ZNF827: variants seen among roughly 807,000 people sequenced by gnomAD.
ZNF827 encodes zinc finger protein 827.
ZNF827 carries 13 observed loss-of-function variants against 102.4 expected under a neutral mutation model. That is an observed-to-expected ratio of 0.13 (90% confidence interval 0.08 to 0.20). ZNF827 has a LOEUF of 0.20. Among genes scored for constraint, ZNF827 ranks in the 10% least tolerant of loss-of-function variants. ZNF827 has a pLI of 1.00. For missense variants in ZNF827, 1,103 were observed against 1,344.4 expected (o/e 0.82, Z 2.81); for synonymous variants, 523 against 536.2 (o/e 0.98, Z 0.34).
chr4:145,892,253 G>A lies in ZNF827; in HGVS notation c.1256C>T (p.Ser419Phe). ...FRCARKDNLKSHMKVHQHQDR... is the reference protein window; with the variant it reads ...FRCARKDNLKFHMKVHQHQDR... The stretch of plus-strand genomic sequence containing the variant: ...CGGTAGGTGGCTTACCTTCATGTGG[G>A]ATTTGAGATTGTCCTTGCGAGCACA... Residue 419 changes from serine to phenylalanine, a missense_variant, in exon 3 of 15, where the codon TCC (serine) becomes TTC (phenylalanine). By Grantham distance (155) the Ser-to-Phe change is radical. Around this residue, in one of 5 missense-constraint regions of ZNF827, gnomAD observed 20 missense variants for 60.6 expected, o/e 0.33. Coordinates refer to ENST00000508784, the MANE Select transcript of ZNF827 (RefSeq NM_001306215.2). The A allele has an allele frequency of 1.2e-6, 2 of 1,609,278 alleles. No homozygotes were observed. Among genetic ancestry groups the A allele is most frequent in the Non-Finnish European group, 1.7e-6 (2 of 1,176,796 alleles).
chr4:145,782,692 G>A (rs1445948812), intron 8 of ZNF827, among the ~76,000 whole-genome samples: 1 of 152,138 alleles, frequency 6.6e-6, no homozygotes, highest in East Asian at 1.9e-4. Flanking sequence ...ATCATGTCTT[G>A]TTCTGTATGG....
chr4:145,803,246 A>G (rs1159967381), intron 8 of ZNF827, among the ~76,000 whole-genome samples: 1 of 152,236 alleles, frequency 6.6e-6, no homozygotes, highest in African/African-American at 2.4e-5. Flanking sequence ...CATTTCACCT[A>G]CTTAGTTATG....
In ZNF827 at chr4:145,902,095, A is replaced by T. The variant is rs886888850; in HGVS notation, c.1093+71T>A. The stretch of plus-strand genomic sequence containing the variant: ...TCAGATGGGGAACCCAACTGAAAAA[A>T]GCAATGAATAAGACATCGCAGTTTA... On this transcript the variant is annotated intron_variant, in intron 2 of 14. Coordinates refer to ENST00000508784, the MANE Select transcript of ZNF827 (RefSeq NM_001306215.2). This position sits in a 1 kb window ranked among gnomAD's most constrained non-coding sequence, Gnocchi z 4.3. The T allele has an allele frequency of 1.4e-5, 21 of 1,501,098 alleles. No homozygotes were observed. Among genetic ancestry groups the T allele is most frequent in the Non-Finnish European group, 1.9e-5 (21 of 1,125,568 alleles). The allele number at this position is 1,501,098 out of a possible 1,614,324, so 93.0% of individuals were successfully genotyped here. A position where few individuals can be genotyped will look rare whatever the true frequency, so the allele number is the denominator to read the frequency against.
chr4:145,823,248 A>T lies in ZNF827; in HGVS notation c.2383+174T>A, dbSNP rs556096441. On this transcript the variant is annotated intron_variant, in intron 8 of 14. Coordinates refer to ENST00000508784, the MANE Select transcript of ZNF827 (RefSeq NM_001306215.2). ...GATGAAGAGGCTTATTACTGTAAAC[A>T]TTTTATTTTAATAAACTTTTGTAGC... 1.1e-4 allele frequency among the ~76,000 whole-genome samples: 17 copies of T among 152,370 alleles called. No individual in the cohort carries two copies. In the South Asian group the frequency reaches 3.3e-3, roughly 30 times the overall value.
chr4:145,873,131 T>A (rs1748850566), intron 4 of ZNF827, among the ~76,000 whole-genome samples: 1 of 151,796 alleles, frequency 6.6e-6, no homozygotes, highest in Admixed American at 6.6e-5. Flanking sequence ...GAGATGGGGT[T>A]TCACCATGTT....
Position 145,902,541 on chromosome 4 carries a change from A to G in ZNF827, c.718T>C (p.Phe240Leu). Residue 240 changes from phenylalanine (F) to leucine (L), a missense_variant, in exon 2 of 15, where the codon TTT (phenylalanine) becomes CTT (leucine). Physicochemically the swap from Phe to Leu is conservative, Grantham distance 22. Transcript: ENST00000508784. The surrounding 1 kb of genome is among the most constrained non-coding windows in gnomAD (Gnocchi z 4.3). ...RTEETMRFES[F>L]SSPFSSQSAS... The stretch of plus-strand genomic sequence containing the variant: ...GACTGGGAGCTAAAAGGGGAGGAAA[A>G]GGACTCAAATCGCATGGTCTCCTCA... 6.2e-7 allele frequency: 1 copy of G among 1,614,162 alleles called. No individual in the cohort carries two copies. Among genetic ancestry groups the G allele is most frequent in the South Asian group, 1.1e-5 (1 of 91,072 alleles).
At position 145,780,971 on chromosome 4, in the gene ZNF827, G is replaced by A. The variant is rs983895472; in HGVS notation, c.2384-1460C>T. ...CAGCACTTCGGGAGGCCGAGGCAGGGGGATCACAAGGTCAGAAGATCGAGA... is the reference window on the plus strand; with the variant it reads ...CAGCACTTCGGGAGGCCGAGGCAGGAGGATCACAAGGTCAGAAGATCGAGA... On this transcript the variant is annotated intron_variant, in intron 8 of 14. Coordinates refer to ENST00000508784, the MANE Select transcript of ZNF827 (RefSeq NM_001306215.2). 2.0e-5 allele frequency among the ~76,000 whole-genome samples: 3 copies of A among 152,078 alleles called. No homozygotes were observed. In the East Asian group the frequency reaches 5.8e-4, roughly 29 times the overall value.
At position 145,763,648 on chromosome 4, in the gene ZNF827, G is replaced by T. The variant is rs979395048; in HGVS notation, c.3231-526C>A. On this transcript the variant is annotated intron_variant, in intron 13 of 14. Coordinates refer to ENST00000508784, the MANE Select transcript of ZNF827 (RefSeq NM_001306215.2). The surrounding 1 kb of genome is among the most constrained non-coding windows in gnomAD (Gnocchi z 4.6). Reference sequence around the variant, plus strand: ...CTGCAATGTTCATGGGTGTGACTGGGCTACTGGGAAGGGCAGTGAGCACTG... The same window carrying T: ...CTGCAATGTTCATGGGTGTGACTGGTCTACTGGGAAGGGCAGTGAGCACTG... Among the ~76,000 whole-genome samples, 1 of 152,190 alleles carries T rather than the reference G, an allele frequency of 6.6e-6. No homozygotes were observed. Among genetic ancestry groups the T allele is most frequent in the African/African-American group, 2.4e-5 (1 of 41,438 alleles).
chr4:145,916,925 C>T (rs1283153584), intron 1 of ZNF827, among the ~76,000 whole-genome samples: 1 of 152,170 alleles, frequency 6.6e-6, no homozygotes, highest in East Asian at 1.9e-4. Flanking sequence ...CAAGGATGGC[C>T]TTTACTCCAG....
intron 3 of ZNF827, among the ~76,000 whole-genome samples, chr4:145,891,502 T>C (rs939032586): frequency 2.0e-5 from 3 of 152,206 alleles, no homozygotes; most frequent in Non-Finnish European, 4.4e-5. Flanking sequence ...CCCCATCTCA[T>C]ATAAGAGGGA....
chr4:145,826,962 G>C (rs972113124), intron 7 of ZNF827, among the ~76,000 whole-genome samples: 1 of 151,926 alleles, frequency 6.6e-6, no homozygotes, highest in East Asian at 1.9e-4. Context: ...GGCCAGGCTG[G>C]TCTCGATTTT....
chr4:145,853,458 T>C (rs1282499200), intron 5 of ZNF827, among the ~76,000 whole-genome samples: 6 of 152,144 alleles, frequency 3.9e-5, no homozygotes, highest in Non-Finnish European at 7.3e-5. Flanking sequence ...GGTGTGCCTA[T>C]AGTCTCAGCC....
At chr4:145,784,230 G>A (rs533072111) in intron 8 of ZNF827, among the ~76,000 whole-genome samples, 14 of 152,322 alleles carry the variant, frequency 9.2e-5, no homozygotes, top group African/African-American at 3.4e-4. Context: ...TAGCACTGCA[G>A]GAACTGAGTA....
rs921601230 is a variant in ZNF827 at position 145,759,661 on chromosome 4, A to T, written c.*1955T>A. On this transcript the variant is annotated 3_prime_UTR_variant, in exon 15 of 15. Coordinates refer to ENST00000508784, the MANE Select transcript of ZNF827 (RefSeq NM_001306215.2). ...ATACAGTCTACTCATTCCATAAAAAAGGTACATTTTCTTCCTTTTATTTTA... is the reference window on the plus strand; with the variant it reads ...ATACAGTCTACTCATTCCATAAAAATGGTACATTTTCTTCCTTTTATTTTA... The T allele has an allele frequency of 1.4e-4, 21 of 152,202 alleles. No homozygotes were observed. Among genetic ancestry groups the T allele is most frequent in the Non-Finnish European group, 2.6e-4 (18 of 68,022 alleles). The allele number at this position is 152,202 out of a possible 1,614,324, so 9.4% of individuals were successfully genotyped here. A position where few individuals can be genotyped will look rare whatever the true frequency, so the allele number is the denominator to read the frequency against.
chr4:145,797,057 CG>C (rs919250882), intron 8 of ZNF827, among the ~76,000 whole-genome samples: 1 of 152,060 alleles, frequency 6.6e-6, no homozygotes, highest in Non-Finnish European at 1.5e-5. Flanking sequence ...TGTGGGCGGT[CG>C]GGGGGCTTCC....
intron 8 of ZNF827, among the ~76,000 whole-genome samples, chr4:145,814,922 C>T (rs1330764347): frequency 6.6e-6 from 1 of 152,074 alleles, no homozygotes; most frequent in African/African-American, 2.4e-5. Flanking sequence ...GCCTGGGCGA[C>T]AGAGCAAGAC....
rs545946962 is a variant in ZNF827, at chr4:145,796,828, G to A, written c.2384-17317C>T. ...GTATTTTTAGTAGAGATGGGGTTTCGCCATGTTGGCCAGGCTGGTCTTGAA... is the reference window on the plus strand; with the variant it reads ...GTATTTTTAGTAGAGATGGGGTTTCACCATGTTGGCCAGGCTGGTCTTGAA... On this transcript the variant is annotated intron_variant, in intron 8 of 14. Transcript: ENST00000508784. 7.2e-4 allele frequency among the ~76,000 whole-genome samples: 110 copies of A among 151,932 alleles called. 1 individual carries two copies. The highest frequency in any genetic ancestry group is 2.4e-3 in the African/African-American group (99 of 41,460).
intron 1 of ZNF827, among the ~76,000 whole-genome samples, chr4:145,931,990 G>C (rs1753841025): frequency 6.6e-6 from 1 of 152,182 alleles, no homozygotes; most frequent in Admixed American, 6.5e-5. Flanking sequence ...ACTAGATCGT[G>C]AGGGTAGACC....
At chr4:145,815,601 G>A (rs1355900879) in intron 8 of ZNF827, among the ~76,000 whole-genome samples, 1 of 152,210 alleles carries the variant, frequency 6.6e-6, no homozygotes, top group Non-Finnish European at 1.5e-5. Flanking sequence ...TTACCAGAGG[G>A]CAGTTGCTGC....
Sources: gnomAD v4.1 joint callset for allele counts (sites outside exome capture counted in the v4.1 genomes callset) on GRCh38, gnomAD v4.1.1 for gene constraint, gnomAD v4.1.1 regional missense constraint, Gnocchi (gnomAD v3.1) non-coding constraint, MANE v1.5 for transcripts, NCBI Gene and HGNC (gene_info 2026-07-23, HGNC 2026-07-21) for gene names.